The following ARHGAP15 variants were observed in gnomAD, a reference collection of about 807,000 sequenced individuals.
ARHGAP15 encodes the protein Rho GTPase activating protein 15.
ARHGAP15 carries 51 observed loss-of-function variants against 63.7 expected under a neutral mutation model. The observed-to-expected ratio is 0.80, with a 90% CI of 0.64 to 1.01. The LOEUF (loss-of-function observed/expected upper bound fraction) is 1.01. Ranked by LOEUF, ARHGAP15 falls within the 50% of genes least tolerant of loss-of-function variation. ARHGAP15 has a pLI of 0.00. For missense variants in ARHGAP15, 560 were observed against 564.6 expected (o/e 0.99, Z 0.08); for synonymous variants, 191 against 193.8 (o/e 0.99, Z 0.12).
Position 143,202,116 on chromosome 2 carries a change from A to G in ARHGAP15, c.166-18A>G, listed in dbSNP as rs781684394. On this transcript the variant is annotated intron_variant, in intron 2 of 13. Coordinates refer to ENST00000295095, the MANE Select transcript of ARHGAP15 (RefSeq NM_018460.4). ...AAGAAAAATTATGTAATAATATCCA[A>G]TGTCAATATATTTGCAGATATCCAG... The G allele has an allele frequency of 3.5e-5, 56 of 1,593,736 alleles. No individual in the cohort carries two copies. Among genetic ancestry groups the G allele is most frequent in the Admixed American group, 8.4e-5 (5 of 59,738 alleles).
chr2:143,290,429 G>T (rs1296680728), intron 6 of ARHGAP15, among the ~76,000 whole-genome samples: 1 of 138,916 alleles, frequency 7.2e-6, no homozygotes, highest in Non-Finnish European at 1.6e-5. Context: ...TCCAAAAAAA[G>T]AAAAAAAAAA....
intron 3 of ARHGAP15, among the ~76,000 whole-genome samples, chr2:143,210,356 G>A (rs936363439): frequency 1.3e-5 from 2 of 151,364 alleles, no homozygotes; most frequent in African/African-American, 4.8e-5. Context: ...CACACCGGTT[G>A]CCAGATGAAA....
chr2:143,323,110 C>G (rs1684097661), intron 6 of ARHGAP15, among the ~76,000 whole-genome samples: 1 of 152,136 alleles, frequency 6.6e-6, no homozygotes, highest in Admixed American at 6.6e-5. Flanking sequence ...CTTTGTGCCT[C>G]CTTGCATAAA....
At chr2:143,398,193 C>T (rs766401113) in intron 6 of ARHGAP15, among the ~76,000 whole-genome samples, 1 of 152,104 alleles carries the variant, frequency 6.6e-6, no homozygotes, top group Non-Finnish European at 1.5e-5. Flanking sequence ...GAAGGCAATT[C>T]TGTTTTGTGA....
chr2:143,547,100 A>G (rs1695366344), intron 10 of ARHGAP15, among the ~76,000 whole-genome samples: 1 of 152,156 alleles, frequency 6.6e-6, no homozygotes, highest in African/African-American at 2.4e-5. Context: ...TCTTATCTTC[A>G]GAGATTTCCA....
chr2:143,644,503 G>A (rs535979934), intron 12 of ARHGAP15, among the ~76,000 whole-genome samples: 36 of 152,034 alleles, frequency 2.4e-4, no homozygotes, highest in Non-Finnish European at 4.4e-4. Flanking sequence ...TGCTTCTGAG[G>A]CCCTTCTAAT....
intron 6 of ARHGAP15, among the ~76,000 whole-genome samples, chr2:143,381,399 G>A (rs1687047167): frequency 6.6e-6 from 1 of 152,020 alleles, no homozygotes. Flanking sequence ...ACCTATTGCT[G>A]CTTTTGCAGT....
rs925860775 is a variant in ARHGAP15 at position 143,645,834 on chromosome 2, T to A, written c.1138+21567T>A. On this transcript the variant is annotated intron_variant, in intron 12 of 13. Transcript: ENST00000295095. The stretch of plus-strand genomic sequence containing the variant: ...ACAAGCTTTTTTAAAAAATATTTTT[T>A]AAATATTTTCAAATACATAATCTCT... Among the ~76,000 whole-genome samples the A allele has an allele frequency of 5.3e-5, 8 of 152,218 alleles. No individual in the cohort carries two copies. In the South Asian group the frequency reaches 6.2e-4, roughly 12 times the overall value.
chr2:143,279,106 TTAGA>T (rs1001248369), intron 6 of ARHGAP15, among the ~76,000 whole-genome samples: 3 of 152,162 alleles, frequency 2.0e-5, no homozygotes. Context: ...GGAGGATTAA[TTAGA>T]TAAAGTCTTA....
chr2:143,765,379 T>C (rs1213699674), intron 13 of ARHGAP15, among the ~76,000 whole-genome samples: 10 of 152,074 alleles, frequency 6.6e-5, no homozygotes. Context: ...CTCAATAGGA[T>C]TTTGGCAAAT....
At chr2:143,209,577 G>A (rs1692488979) in intron 3 of ARHGAP15, among the ~76,000 whole-genome samples, 1 of 150,754 alleles carries the variant, frequency 6.6e-6, no homozygotes, top group South Asian at 2.1e-4. Flanking sequence ...ACAAGTTTCT[G>A]TGAGAACCTA....
At chr2:143,740,522 C>T (rs774495846) in intron 13 of ARHGAP15, among the ~76,000 whole-genome samples, 1 of 152,198 alleles carries the variant, frequency 6.6e-6, no homozygotes, top group Non-Finnish European at 1.5e-5. Flanking sequence ...TGTAAAAACT[C>T]ATAAAAGAGC....
chr2:143,692,479 A>G (rs1308862006), intron 12 of ARHGAP15, among the ~76,000 whole-genome samples: 2 of 152,184 alleles, frequency 1.3e-5, no homozygotes, highest in African/African-American at 2.4e-5. Context: ...ATTATTGTAA[A>G]TGCTCCCAGG....
intron 10 of ARHGAP15, among the ~76,000 whole-genome samples, chr2:143,522,830 T>C (rs1036031957): frequency 3.3e-5 from 5 of 152,174 alleles, no homozygotes; most frequent in African/African-American, 1.2e-4. Flanking sequence ...ATATAGTAGA[T>C]ACAAGCAGTG....
chr2:143,355,854 G>T lies in ARHGAP15; in HGVS notation c.475-79747G>T, dbSNP rs1307137364. The stretch of plus-strand genomic sequence containing the variant: ...GCCATTTGACAGTGATGAAATTAAA[G>T]GATGAAGAAGAGATACAAACTACAT... On this transcript the variant is annotated intron_variant, in intron 6 of 13. Transcript: ENST00000295095. 3.3e-5 allele frequency among the ~76,000 whole-genome samples: 5 copies of T among 152,092 alleles called. No homozygotes were observed. The South Asian group carries it at 1.0e-3, about 32-fold the overall frequency.
rs60894627 is a variant in ARHGAP15 at position 143,765,109 on chromosome 2, ATGTGTGTGTGTGTGTGTGTG to A, written c.1245-2861_1245-2842del. Among the ~76,000 whole-genome samples the A allele has an allele frequency of 2.7e-5, 4 of 147,624 alleles. No homozygotes were observed. In the East Asian group the frequency reaches 6.0e-4, roughly 22 times the overall value. The stretch of plus-strand genomic sequence containing the variant: ...CTATCTCCATATTTGCCTCTAAAAT[ATGTGTGTGTGTGTGTGTGTG>A]TGTGTGTGTGTGTGTGTGGTAAAAT... On this transcript the variant is annotated intron_variant, in intron 13 of 13. Coordinates refer to ENST00000295095, the MANE Select transcript of ARHGAP15 (RefSeq NM_018460.4).
intron 8 of ARHGAP15, among the ~76,000 whole-genome samples, chr2:143,460,987 C>CT (rs1225049611): frequency 1.3e-5 from 2 of 152,188 alleles, no homozygotes; most frequent in East Asian, 3.9e-4. Flanking sequence ...CTTCAAATTG[C>CT]TTAGAGCATC....
intron 6 of ARHGAP15, among the ~76,000 whole-genome samples, chr2:143,387,051 C>T (rs560384619): frequency 6.6e-6 from 1 of 152,152 alleles, no homozygotes; most frequent in Admixed American, 6.6e-5. Context: ...CTATTGGGTA[C>T]TAGGCTTAGT....
At chr2:143,435,024 T>G (rs999314535) in intron 6 of ARHGAP15, among the ~76,000 whole-genome samples, 1 of 152,160 alleles carries the variant, frequency 6.6e-6, no homozygotes, top group Non-Finnish European at 1.5e-5. Context: ...TTTAATATAC[T>G]CCTTTTGTGG....
Sources: allele counts gnomAD v4.1 joint callset (sites outside exome capture counted in the v4.1 genomes callset), GRCh38; gene constraint gnomAD v4.1.1; transcripts MANE v1.5; gene names NCBI Gene and HGNC (gene_info 2026-07-23, HGNC 2026-07-21).